Variants in PCNT observed in about 807,000 individuals in gnomAD.
PCNT encodes pericentrin.
PCNT carries 319 observed loss-of-function variants against 380.4 expected under a neutral mutation model. The observed-to-expected ratio is 0.84, with a 90% confidence interval of 0.77 to 0.92. PCNT has a LOEUF of 0.92. PCNT is among the 40% of genes least tolerant of loss of function. PCNT has a pLI of 0.00. For synonymous variants in PCNT, 1,845 were observed against 1,735.2 expected, an observed-to-expected ratio of 1.06 and a Z score of -1.57; for missense variants, 4,400 against 4,255.3, an observed-to-expected ratio of 1.03 and a Z score of -0.95.
At chr21:46,387,790 G>C (rs2085890024) in intron 17 of PCNT, among the ~76,000 whole-genome samples, 1 of 152,156 alleles carries the variant, frequency 6.6e-6, no homozygotes, top group Admixed American at 6.5e-5. Flanking sequence ...GCAGAGTAGA[G>C]GGAGGGCTGG....
At chr21:46,359,105 A>G (rs952193352) in intron 13 of PCNT, among the ~76,000 whole-genome samples, 2 of 151,492 alleles carry the variant, frequency 1.3e-5, no homozygotes, top group African/African-American at 4.9e-5. Flanking sequence ...ACCGCACCCA[A>G]CCATGCCCAG....
intron 34 of PCNT, 135 bp downstream of exon 34, chr21:46,427,930 T>TA: frequency 2.1e-6 from 2 of 959,524 alleles, no homozygotes; most frequent in Non-Finnish European, 3.2e-6. Flanking sequence ...GGCTGTCACT[T>TA]ACCCAGGTGT....
intron 21 of PCNT, 33 bp from the exon 22 acceptor site, chr21:46,397,232 G>T (rs756794901): frequency 2.6e-6 from 4 of 1,543,560 alleles, no homozygotes; most frequent in Non-Finnish European, 3.6e-6. Context: ...AGGTGCGGGG[G>T]TGTCCCCGTG....
Position 46,440,081 on chromosome 21 carries a change from A to C in PCNT, c.9274-2A>C, listed in dbSNP as rs1396439708. On this transcript the variant is annotated splice_acceptor_variant, in intron 41 of 46. Coordinates refer to ENST00000359568, the MANE Select transcript of PCNT (RefSeq NM_006031.6). LOFTEE classifies it high-confidence loss of function. ...GACAGCGCTGGCTGTGCTTCCTTAC[A>C]GAGGTCGGAAAGGTCTGCTTGGAAG... 6.2e-7 allele frequency: 1 copy of C among 1,614,020 alleles called. No individual in the cohort carries two copies. The highest frequency in any genetic ancestry group is 1.7e-5 in the Admixed American group (1 of 60,024).
intron 12 of PCNT, 34 bp from the exon 13 acceptor site, chr21:46,356,940 G>T (rs141897179): frequency 1.3e-6 from 2 of 1,598,054 alleles, no homozygotes; most frequent in Non-Finnish European, 1.7e-6. Flanking sequence ...GCCGGCACCG[G>T]CCTGACTGTC....
At chr21:46,403,517 C>T (rs111352798) in intron 27 of PCNT, among the ~76,000 whole-genome samples, 9 of 112,054 alleles carry the variant, frequency 8.0e-5, no homozygotes, top group African/African-American at 1.9e-4. Flanking sequence ...GGTGCCCACG[C>T]GGCGTGTGCT....
intron 14 of PCNT, among the ~76,000 whole-genome samples, chr21:46,365,015 C>G (rs747084008): frequency 2.0e-5 from 3 of 152,234 alleles, no homozygotes; most frequent in Admixed American, 6.5e-5. Flanking sequence ...GCTCTTTGGC[C>G]TCCTGATGGG....
intron 25 of PCNT, 144 bp downstream of exon 25, chr21:46,399,940 G>C (rs968281881): frequency 5.5e-5 from 43 of 775,204 alleles, no homozygotes; most frequent in Non-Finnish European, 9.3e-5. Flanking sequence ...GCGTCAGGGA[G>C]AAACAGAAGT....
intron 16 of PCNT, among the ~76,000 whole-genome samples, chr21:46,382,888 A>T (rs542935125): frequency 7.6e-6 from 1 of 131,522 alleles, no homozygotes; most frequent in East Asian, 2.2e-4. Flanking sequence ...TCAGTGGCGG[A>T]AGCGCATTCA....
At chr21:46,376,228 A>G (rs745494485) in intron 15 of PCNT, among the ~76,000 whole-genome samples, 26 of 152,148 alleles carry the variant, frequency 1.7e-4, no homozygotes, top group East Asian at 7.7e-4. Flanking sequence ...GGGGTGTCCA[A>G]TGTTCTTGGG....
chr21:46,397,554 C>G lies in PCNT; in HGVS notation c.4446+60C>G, dbSNP rs570603286. On this transcript the variant is annotated intron_variant, in intron 22 of 46. Transcript: ENST00000359568. ...CTAAAAGTTGCCGTTACAGCATGAA[C>G]TTCTTTCCAGATCGTTACGTAAGCT... 2.0e-5 allele frequency: 28 copies of G among 1,382,156 alleles called. No homozygotes were observed. The East Asian group carries it at 6.0e-4, about 29-fold the overall frequency. The allele number at this position is 1,382,156 out of a possible 1,614,324, so 85.6% of individuals were successfully genotyped here.
Position 46,397,502 on chromosome 21 carries a change from T to G in PCNT, c.4446+8T>G. The stretch of plus-strand genomic sequence containing the variant: ...CAGCGGCAATTCATGGATGTAAGAA[T>G]TCTGAATAATACATTTTTTTGCATC... On this transcript the variant is annotated splice_region_variant and intron_variant, in intron 22 of 46. Transcript: ENST00000359568. 2 of 1,605,700 alleles carry G rather than the reference T, an allele frequency of 1.2e-6. No individual in the cohort carries two copies. Among genetic ancestry groups the G allele is most frequent in the Non-Finnish European group, 1.7e-6 (2 of 1,172,700 alleles).
intron 15 of PCNT, among the ~76,000 whole-genome samples, chr21:46,379,529 T>G (rs2085443355): frequency 1.3e-5 from 2 of 151,946 alleles, no homozygotes; most frequent in African/African-American, 4.8e-5. Flanking sequence ...ATTTGGGAGG[T>G]TTTTGGCCGT....
At chr21:46,413,837 A>G (rs928345199) in intron 29 of PCNT, among the ~76,000 whole-genome samples, 2 of 152,184 alleles carry the variant, frequency 1.3e-5, no homozygotes, top group African/African-American at 4.8e-5. Flanking sequence ...CTCAAATTGT[A>G]GCAGGGTGGA....
intron 20 of PCNT, 53 bp downstream of exon 20, chr21:46,390,885 C>T (rs1182279712): frequency 6.4e-7 from 1 of 1,565,234 alleles, no homozygotes. Context: ...GGGAGCAGGC[C>T]TGGCCTCACT....
At chr21:46,347,305 T>G in intron 5 of PCNT, 152 bp from the exon 6 acceptor site, 1 of 813,328 alleles carries the variant, frequency 1.2e-6, no homozygotes, top group Non-Finnish European at 2.1e-6. Flanking sequence ...CAGTTTGTTA[T>G]TAAAGCCAAG....
Position 46,366,950 on chromosome 21 carries a change from C to G in PCNT, c.2976C>G (p.Leu992=), listed in dbSNP as rs1364854600. The G allele has an allele frequency of 6.2e-7, 1 of 1,614,270 alleles. No individual in the cohort carries two copies. Among genetic ancestry groups the G allele is most frequent in the Admixed American group, 1.7e-5 (1 of 60,030 alleles). The change falls in exon 15 of 47, where the codon CTC becomes CTG. Residue 992 remains leucine, a synonymous_variant. Coordinates refer to ENST00000359568, the MANE Select transcript of PCNT (RefSeq NM_006031.6). ...AGGAGCACAGGCAGGCCCTAGAGCT[C>G]TTACGAGCAGACTTTGAGGAACAAC... ...IREEHRQALE[L]LRADFEEQLW...
rs181784452 is a variant in PCNT, at chr21:46,358,956, A to G, written c.2154+1765A>G. ...GCTGGGAAGACAGGTGCCCGTCACC[A>G]TGCCTGGCTAATTTTTTTTTTTTTT... On this transcript the variant is annotated intron_variant, in intron 13 of 46. Coordinates refer to ENST00000359568, the MANE Select transcript of PCNT (RefSeq NM_006031.6). Among the ~76,000 whole-genome samples, 923 of 151,192 alleles carry G rather than the reference A, an allele frequency of 6.1e-3. 8 individuals carry two copies. The highest frequency in any genetic ancestry group is 0.021 in the Middle Eastern group (6 of 290).
chr21:46,357,649 A>C (rs534862541), intron 13 of PCNT, among the ~76,000 whole-genome samples: 1 of 152,284 alleles, frequency 6.6e-6, no homozygotes, highest in Non-Finnish European at 1.5e-5. Flanking sequence ...GGCAGGTGTC[A>C]AACGCCTGAC....
Sources: allele counts gnomAD v4.1 joint callset (sites outside exome capture counted in the v4.1 genomes callset), GRCh38; gene constraint gnomAD v4.1.1; transcripts MANE v1.5; gene names NCBI Gene and HGNC (gene_info 2026-07-23, HGNC 2026-07-21).